ATP13A3: variants seen among roughly 807,000 people sequenced by gnomAD.
ATP13A3 encodes polyamine-transporting ATPase 13A3.
ATP13A3 carries 59 observed loss-of-function variants against 158.1 expected under a neutral mutation model. The observed-to-expected ratio is 0.37, with a 90% CI of 0.30 to 0.46. The LOEUF (loss-of-function observed/expected upper bound fraction) is 0.46. ATP13A3 is among the 20% of genes least tolerant of loss of function. The pLI is 1.00. For missense variants in ATP13A3, 1,166 were observed against 1,525.2 expected, an observed-to-expected ratio of 0.76 and a Z score of 3.92; for synonymous variants, 491 against 504.3, an observed-to-expected ratio of 0.97 and a Z score of 0.35.
chr3:194,470,794 C>T (rs1489220139), intron 2 of ATP13A3, among the ~76,000 whole-genome samples: 1 of 152,096 alleles, frequency 6.6e-6, no homozygotes, highest in Admixed American at 6.5e-5. Context: ...CTTATGATTG[C>T]TAGATAGATT....
At chr3:194,464,818 T>G (rs1032198109) in intron 2 of ATP13A3, among the ~76,000 whole-genome samples, 8 of 152,196 alleles carry the variant, frequency 5.3e-5, no homozygotes, top group African/African-American at 1.9e-4. Context: ...GGTCTCACTA[T>G]GTTGCCCAGG....
rs968900833 is a variant in ATP13A3 at position 194,448,770 on chromosome 3, T to C, written c.971-134A>G. On this transcript the variant is annotated intron_variant, in intron 11 of 33. Transcript: ENST00000645319. This position sits in a 1 kb window ranked among gnomAD's most constrained non-coding sequence, Gnocchi z 4.0. Reference sequence around the variant, plus strand: ...CTACCATACTGTTTACAATAATCACTGAGAGTTGTATATGTGGACAACATG... The same window carrying C: ...CTACCATACTGTTTACAATAATCACCGAGAGTTGTATATGTGGACAACATG... 4 of 951,848 alleles carry C rather than the reference T, an allele frequency of 4.2e-6. No individual in the cohort carries two copies. In the African/African-American group the frequency reaches 5.0e-5, roughly 12 times the overall value. 59.0% of individuals were successfully genotyped at this position (951,848 alleles called of 1,614,324 possible).
Position 194,426,616 on chromosome 3 carries a change from C to G in ATP13A3, c.3125+459G>C, listed in dbSNP as rs182010261. On this transcript the variant is annotated intron_variant, in intron 29 of 33. Transcript: ENST00000645319. ...TTTGGTAGGATTATTAGGATTTTGC[C>G]TGAACATCTTCCCAAAGACAGGCGT... 1.5e-4 allele frequency among the ~76,000 whole-genome samples: 23 copies of G among 152,242 alleles called. 1 individual carries two copies. The East Asian group carries it at 4.2e-3, about 28-fold the overall frequency.
intron 2 of ATP13A3, among the ~76,000 whole-genome samples, chr3:194,482,109 G>A (rs1230581794): frequency 2.0e-5 from 3 of 152,050 alleles, no homozygotes; most frequent in East Asian, 3.9e-4. Flanking sequence ...ACACTTATTT[G>A]GACAGTTCTC....
chr3:194,488,454 C>G (rs987510505), upstream of ATP13A3: 1 of 152,624 alleles, frequency 6.6e-6, no homozygotes, highest in African/African-American at 2.4e-5. The surrounding 1 kb of genome is among the most constrained non-coding windows in gnomAD (Gnocchi z 4.1). Flanking sequence ...GTGTTTCATG[C>G]GGACCTCAAA....
At chr3:194,454,577 C>T (rs1383211639) in intron 8 of ATP13A3, among the ~76,000 whole-genome samples, 185 bp from the exon 9 acceptor site, 3 of 152,240 alleles carry the variant, frequency 2.0e-5, no homozygotes, top group East Asian at 1.9e-4. Context: ...GCCTGTAATC[C>T]CAGCACTTTG....
At chr3:194,428,236 A>T (rs977619944) in intron 28 of ATP13A3, among the ~76,000 whole-genome samples, 1 of 151,464 alleles carries the variant, frequency 6.6e-6, no homozygotes, top group Non-Finnish European at 1.5e-5. Flanking sequence ...AAAAAAAAAA[A>T]AGAAAAAAAG....
intron 28 of ATP13A3, among the ~76,000 whole-genome samples, chr3:194,428,414 A>T (rs1410305510): frequency 6.6e-6 from 1 of 152,048 alleles, no homozygotes; most frequent in Admixed American, 6.5e-5. Flanking sequence ...ATGTCTGGAG[A>T]TATTTTTTGT....
rs1718456569 is a variant in ATP13A3 at position 194,447,078 on chromosome 3, A to T, written c.1346T>A (p.Ile449Asn). 1 of 1,610,278 alleles carries T rather than the reference A, an allele frequency of 6.2e-7. No homozygotes were observed. The highest frequency in any genetic ancestry group is 8.5e-7 in the Non-Finnish European group (1 of 1,179,202). The change falls in exon 14 of 34, where the codon ATT (isoleucine) becomes AAT (asparagine). Residue 449 changes from isoleucine (I) to asparagine (N), a missense_variant. Physicochemically the swap from Ile to Asn is moderately radical, Grantham distance 149. Coordinates refer to ENST00000645319, the MANE Select transcript of ATP13A3 (RefSeq NM_001367549.1). ...VGVIIIESLD[I>N]ITITVPPALP... ...TGCAGGGGGCACAGTAATTGTGATAATATCAAGAGACTCGATAATTATGAC... is the reference window on the plus strand; with the variant it reads ...TGCAGGGGGCACAGTAATTGTGATATTATCAAGAGACTCGATAATTATGAC...
intron 32 of ATP13A3, 85 bp downstream of exon 32, chr3:194,413,674 T>C: frequency 8.4e-7 from 1 of 1,189,410 alleles, no homozygotes; most frequent in Non-Finnish European, 1.3e-6. Flanking sequence ...TCCATTATAT[T>C]ACCTGCCCTC....
rs58766280 is a variant in ATP13A3, at chr3:194,414,323, C to T, written c.3403-484G>A. 4.7e-4 allele frequency among the ~76,000 whole-genome samples: 71 copies of T among 151,842 alleles called. 4 individuals carry two copies. In the East Asian group the frequency reaches 8.0e-3, roughly 17 times the overall value. On this transcript the variant is annotated intron_variant, in intron 31 of 33. Transcript: ENST00000645319. ...ACTAAAAATACAAAAATTAGCCAGG[C>T]GAGGTGGTGCATGCCTATAATCCCA...
intron 2 of ATP13A3, among the ~76,000 whole-genome samples, chr3:194,469,968 A>T (rs891549771): frequency 6.6e-5 from 10 of 152,226 alleles, no homozygotes; most frequent in Admixed American, 6.5e-4. Flanking sequence ...AAGAATTTTT[A>T]AAAAATCAGA....
intron 30 of ATP13A3, chr3:194,420,172 A>T: frequency 2.8e-6 from 1 of 355,754 alleles, no homozygotes; most frequent in Non-Finnish European, 4.7e-6. Flanking sequence ...ACACAACGTG[A>T]TGTTATGTTT....
At chr3:194,406,991 A>AT (rs762963606) in intron 33 of ATP13A3, among the ~76,000 whole-genome samples, 3 of 152,212 alleles carry the variant, frequency 2.0e-5, no homozygotes, top group Non-Finnish European at 4.4e-5. Context: ...ATCAATCCTG[A>AT]TGTTTTTAGT....
intron 31 of ATP13A3, among the ~76,000 whole-genome samples, chr3:194,418,558 A>G (rs1334594320): frequency 2.0e-5 from 3 of 152,244 alleles, no homozygotes; most frequent in African/African-American, 7.2e-5. Flanking sequence ...GCCATTAAAC[A>G]CATGAAAAAA....
intron 26 of ATP13A3, 138 bp from the exon 27 acceptor site, chr3:194,429,912 C>T: frequency 1.0e-6 from 1 of 976,936 alleles, no homozygotes; most frequent in Non-Finnish European, 1.5e-6. Context: ...AGAACTAAAC[C>T]AAATGAGGAG....
chr3:194,443,644 C>G (rs1718198222), intron 15 of ATP13A3, among the ~76,000 whole-genome samples: 1 of 152,096 alleles, frequency 6.6e-6, no homozygotes, highest in Non-Finnish European at 1.5e-5. Context: ...GACACAACAA[C>G]TCTTGAAATT....
In ATP13A3 at chr3:194,404,096, T is replaced by C. The variant is rs987222016; in HGVS notation, c.*1823A>G. The C allele has an allele frequency of 1.6e-5, 7 of 451,202 alleles. No homozygotes were observed. The highest frequency in any genetic ancestry group is 2.7e-5 in the Non-Finnish European group (6 of 225,720). 27.9% of individuals were successfully genotyped at this position (451,202 alleles called of 1,614,324 possible). On this transcript the variant is annotated 3_prime_UTR_variant, in exon 34 of 34. Coordinates refer to ENST00000645319, the MANE Select transcript of ATP13A3 (RefSeq NM_001367549.1). The stretch of plus-strand genomic sequence containing the variant: ...TCACTGAAGAATAACACGAGCATAT[T>C]TGAAATTAATATGGAAATTATAAAA...
intron 33 of ATP13A3, among the ~76,000 whole-genome samples, chr3:194,411,745 A>T (rs1375796468): frequency 2.0e-5 from 3 of 152,228 alleles, no homozygotes; most frequent in Non-Finnish European, 4.4e-5. Context: ...AGAAATCAGA[A>T]ATAATTCTTC....
Sources: gnomAD v4.1 joint callset for allele counts (sites outside exome capture counted in the v4.1 genomes callset) on GRCh38, gnomAD v4.1.1 for gene constraint, Gnocchi (gnomAD v3.1) non-coding constraint, MANE v1.5 for transcripts, NCBI Gene and HGNC (gene_info 2026-07-23, HGNC 2026-07-21) for gene names.